The following GREP1 variants were observed in gnomAD, a reference collection of about 807,000 sequenced individuals.
The protein encoded by GREP1 is glycine-rich extracellular protein 1.
chr16:2,996,447 A>G (rs2072425346), intron 18 of GREP1, 49 bp from the exon 18 acceptor site: 4 of 397,156 alleles, frequency 1.0e-5, no homozygotes, highest in Non-Finnish European at 1.8e-5. Context: ...TCCTCCTGAC[A>G]CCCCCTCCGA....
Position 2,989,441 on chromosome 16 carries a change from G to C in GREP1, c.101-82G>C, listed in dbSNP as rs933338785. Reference sequence around the variant, plus strand: ...AATGGCTACAGATCTGGTAAAGCTGGTGGCGGGGTGCTTGGGGAGGGTGGC... The same window carrying C: ...AATGGCTACAGATCTGGTAAAGCTGCTGGCGGGGTGCTTGGGGAGGGTGGC... On this transcript the variant is annotated intron_variant, in intron 2 of 34. Transcript: ENST00000573315. The surrounding 1 kb of genome is among the most constrained non-coding windows in gnomAD (Gnocchi z 4.2). The C allele has an allele frequency of 1.5e-5, 6 of 399,046 alleles. No homozygotes were observed. Among genetic ancestry groups the C allele is most frequent in the Middle Eastern group, 6.2e-4 (1 of 1,610 alleles). 24.7% of individuals were successfully genotyped at this position (399,046 alleles called of 1,614,324 possible). A position where few individuals can be genotyped will look rare whatever the true frequency, so the allele number is the denominator to read the frequency against.
chr16:3,000,893 G>C, intron 33 of GREP1, 66 bp downstream of exon 27: 1 of 398,430 alleles, frequency 2.5e-6, no homozygotes, highest in Non-Finnish European at 4.4e-6. Flanking sequence ...TGGGCCCTGG[G>C]CCCAGGTCTA....
At chr16:3,000,891 G>A (rs74005568) in intron 33 of GREP1, 64 bp downstream of exon 27, 1 of 398,480 alleles carries the variant, frequency 2.5e-6, no homozygotes, top group Admixed American at 4.4e-5. Context: ...ACTGGGCCCT[G>A]GGCCCAGGTC....
At position 2,991,381 on chromosome 16, in the gene GREP1, TG is replaced by T. The variant is rs1364195181; in HGVS notation, c.322+284del. ...GCCCTCACCAATGTCTCCCCAGGAT[TG>T]GGGAGCAGAAGTGGTTTGGGCGCTG... On this transcript the variant is annotated intron_variant, in intron 8 of 34. Coordinates refer to ENST00000573315, the Ensembl canonical transcript of GREP1. The surrounding 1 kb of genome is among the most constrained non-coding windows in gnomAD (Gnocchi z 4.9). 3.0e-6 allele frequency: 1 copy of T among 336,982 alleles called. No homozygotes were observed. Among genetic ancestry groups the T allele is most frequent in the African/African-American group, 2.1e-5 (1 of 47,202 alleles). The allele number at this position is 336,982 out of a possible 1,614,324, so 20.9% of individuals were successfully genotyped here. A position where few individuals can be genotyped will look rare whatever the true frequency, so the allele number is the denominator to read the frequency against.
exon 35 of GREP1, chr16:3,001,981 T>A (rs1487303688): frequency 4.8e-6 from 1 of 208,322 alleles, no homozygotes; most frequent in African/African-American, 2.3e-5. Flanking sequence ...TTTTCATTTA[T>A]AATCGATTTA....
At chr16:3,001,142 G>A (rs1596463828) in intron 33 of GREP1, 139 bp from the exon 28 acceptor site, 10 of 398,150 alleles carry the variant, frequency 2.5e-5, no homozygotes, top group East Asian at 3.6e-5. Flanking sequence ...CTCTCCCCCC[G>A]GTCCTCTGAG....
At chr16:2,996,771 G>A (rs2072427043) in intron 20 of GREP1, 66 bp downstream of exon 19, 3 of 398,718 alleles carry the variant, frequency 7.5e-6, no homozygotes, top group South Asian at 1.3e-4. Context: ...CTGGGTCTGC[G>A]TGGGACTCCC....
Position 2,989,126 on chromosome 16 carries a change from AGGGAGAGGAGCCCAGTACTGAGAATGGAT to A in GREP1, c.101-386_101-358del. 1 of 260,082 alleles carries A rather than the reference AGGGAGAGGAGCCCAGTACTGAGAATGGAT, an allele frequency of 3.8e-6. No homozygotes were observed. Among genetic ancestry groups the A allele is most frequent in the South Asian group, 1.7e-4 (1 of 5,794 alleles). The allele number at this position is 260,082 out of a possible 1,614,324, so 16.1% of individuals were successfully genotyped here. A position where few individuals can be genotyped will look rare whatever the true frequency, so the allele number is the denominator to read the frequency against. ...GAAGAAGAGGAGGAGATTTCCATGA[AGGGAGAGGAGCCCAGTACTGAGAATGGAT>A]GGGAGAGGAGAGGAAGAGGGTGGAG... On this transcript the variant is annotated intron_variant, in intron 2 of 34. Transcript: ENST00000573315. This position sits in a 1 kb window ranked among gnomAD's most constrained non-coding sequence, Gnocchi z 4.2.
exon 33 of GREP1, chr16:3,000,724 G>A (rs1165940728): frequency 2.0e-5 from 8 of 398,912 alleles, no homozygotes; most frequent in East Asian, 3.6e-5. Flanking sequence ...GGCAGGCCGG[G>A]GTGCTGTGGA....
intron 31 of GREP1, 188 bp from the exon 27 acceptor site, chr16:3,000,526 A>G (rs2072455199): frequency 5.0e-6 from 2 of 399,068 alleles, no homozygotes; most frequent in South Asian, 2.5e-4. Flanking sequence ...CCCAGGGGCT[A>G]GGCGGGAATG....
Position 2,989,578 on chromosome 16 carries a change from G to A in GREP1, c.130+26G>A. The A allele has an allele frequency of 2.5e-6, 1 of 399,772 alleles. No homozygotes were observed. The highest frequency in any genetic ancestry group is 2.1e-5 in the African/African-American group (1 of 48,668). 24.8% of individuals were successfully genotyped at this position (399,772 alleles called of 1,614,324 possible). On this transcript the variant is annotated intron_variant, in intron 3 of 34. Transcript: ENST00000573315. This position sits in a 1 kb window ranked among gnomAD's most constrained non-coding sequence, Gnocchi z 4.2. ...GTGAGGCCTGGCATAGGGAAGGGAG[G>A]CGTCTGAGGGCAGGGCACGGGGCAG...
At chr16:2,990,972 C>G (rs1262484586) in intron 7 of GREP1, 76 bp from the exon 7 acceptor site, 2 of 399,116 alleles carry the variant, frequency 5.0e-6, no homozygotes, top group African/African-American at 4.1e-5. Flanking sequence ...CCAGTGTCCA[C>G]TTCCCACCCT....
chr16:3,001,802 A>C (rs1318621858), exon 35 of GREP1: 5 of 391,034 alleles, frequency 1.3e-5, no homozygotes, highest in African/African-American at 6.2e-5. Context: ...GCAAACATCA[A>C]TGAGGCCATG....
rs1437631234 is a variant in GREP1 at position 2,997,793 on chromosome 16, A to G, written c.917-10A>G. 7.5e-6 allele frequency: 3 copies of G among 398,222 alleles called. No individual in the cohort carries two copies. The highest frequency in any genetic ancestry group is 7.1e-5 in the East Asian group (2 of 28,052). 24.7% of individuals were successfully genotyped at this position (398,222 alleles called of 1,614,324 possible). On this transcript the variant is annotated splice_polypyrimidine_tract_variant and intron_variant, in intron 22 of 34. Transcript: ENST00000573315. Reference sequence around the variant, plus strand: ...GGGCATGGGTCCCTCACCTACTCGCATCTCTCCAGGTGCTGGAGAGGGCAT... The same window carrying G: ...GGGCATGGGTCCCTCACCTACTCGCGTCTCTCCAGGTGCTGGAGAGGGCAT...
At chr16:3,001,109 A>G (rs964804891) in intron 33 of GREP1, among the ~76,000 whole-genome samples, 172 bp from the exon 28 acceptor site, 24 of 151,722 alleles carry the variant, frequency 1.6e-4, no homozygotes, top group African/African-American at 5.6e-4. Flanking sequence ...GCCATCACGG[A>G]CTCAGTTCTC....
chr16:2,993,013 C>T (rs1239001643), intron 10 of GREP1, 50 bp downstream of exon 11: 9 of 398,806 alleles, frequency 2.3e-5, no homozygotes, highest in Admixed American at 4.4e-5. Flanking sequence ...ATGCATCTGC[C>T]GCTGCTTCCC....
Position 2,991,728 on chromosome 16 carries a change from G to C in GREP1, c.322+627G>C, listed in dbSNP as rs1443230545. ...TGCCAATGCCATTCCTGTGGGTGGGGACTCCTGTGGAGGCCTCTGAGCTGC... is the reference window on the plus strand; with the variant it reads ...TGCCAATGCCATTCCTGTGGGTGGGCACTCCTGTGGAGGCCTCTGAGCTGC... On this transcript the variant is annotated intron_variant, in intron 8 of 34. Coordinates refer to ENST00000573315, the Ensembl canonical transcript of GREP1. This position sits in a 1 kb window ranked among gnomAD's most constrained non-coding sequence, Gnocchi z 4.9. The C allele has an allele frequency of 1.3e-5, 2 of 152,568 alleles. No individual in the cohort carries two copies. The highest frequency in any genetic ancestry group is 3.9e-4 in the East Asian group (2 of 5,192). 9.5% of individuals were successfully genotyped at this position (152,568 alleles called of 1,614,324 possible). A position where few individuals can be genotyped will look rare whatever the true frequency, so the allele number is the denominator to read the frequency against.
chr16:2,990,542 C>A lies in GREP1; in HGVS notation c.233-10C>A. 2.5e-6 allele frequency: 1 copy of A among 399,550 alleles called. No individual in the cohort carries two copies. 24.8% of individuals were successfully genotyped at this position (399,550 alleles called of 1,614,324 possible). A position where few individuals can be genotyped will look rare whatever the true frequency, so the allele number is the denominator to read the frequency against. ...CCTCCTCCTGACTCCCTCCTGCCTT[C>A]TCGCCCCAGGGTTCAGGACCTTCGC... is the stretch of plus-strand genomic sequence containing the variant. On this transcript the variant is annotated splice_polypyrimidine_tract_variant and intron_variant, in intron 6 of 34. Coordinates refer to ENST00000573315, the Ensembl canonical transcript of GREP1.
chr16:3,001,633 G>A lies in GREP1; in HGVS notation c.*47G>A, dbSNP rs2151117652. The A allele has an allele frequency of 1.0e-5, 4 of 399,186 alleles. 1 individual carries two copies. In the East Asian group the frequency reaches 1.4e-4, roughly 14 times the overall value. The allele number at this position is 399,186 out of a possible 1,614,324, so 24.7% of individuals were successfully genotyped here. ...GCCCAGCAAGGAAGACAGACCCTTG[G>A]GCTTGGCCTCTGGTGCTGCCTGGCC... On this transcript the variant is annotated 3_prime_UTR_variant, in exon 35 of 35. Transcript: ENST00000573315.
Sources: allele counts gnomAD v4.1 joint callset (sites outside exome capture counted in the v4.1 genomes callset), GRCh38; gene constraint gnomAD v4.1.1; non-coding constraint Gnocchi (gnomAD v3.1); transcripts MANE v1.5; gene names NCBI Gene and HGNC (gene_info 2026-07-23, HGNC 2026-07-21).